The following EML4 variants were observed in gnomAD, a reference collection of about 807,000 sequenced individuals.
EML4 encodes EMAP like 4.
In EML4, 72 loss-of-function variants were observed where a neutral mutation model predicts 129.0. The ratio of observed to expected loss-of-function variants is 0.56; its 90% CI spans 0.46 to 0.68. The LOEUF (loss-of-function observed/expected upper bound fraction) is 0.68. Ranked by LOEUF, EML4 falls within the 30% of genes least tolerant of loss-of-function variation. The probability of loss-of-function intolerance (pLI) is 0.00; values close to 1 mark genes in which losing one functional copy is unlikely to be tolerated. For synonymous variants in EML4, 532 were observed against 405.0 expected (o/e 1.31, Z -3.77); for missense variants, 1,363 against 1,190.6 (o/e 1.14, Z -2.13).
chr2:42,209,420 G>T (rs1427804351), intron 1 of EML4, among the ~76,000 whole-genome samples: 1 of 152,104 alleles, frequency 6.6e-6, no homozygotes, highest in Non-Finnish European at 1.5e-5. Flanking sequence ...CCTCACAGCA[G>T]TCTTGTAGGC....
intron 3 of EML4, among the ~76,000 whole-genome samples, chr2:42,257,836 C>CAAAA (rs35916468): frequency 9.0e-6 from 1 of 110,710 alleles, no homozygotes. Flanking sequence ...GACTCCGTCT[C>CAAAA]AAAAAAAAAA....
chr2:42,177,110 C>T (rs941329351), intron 1 of EML4, among the ~76,000 whole-genome samples: 5 of 152,080 alleles, frequency 3.3e-5, no homozygotes, highest in African/African-American at 1.2e-4. Context: ...CTCTTGAAGG[C>T]TGTATTGAAG....
At chr2:42,231,268 G>C (rs956752378) in intron 1 of EML4, among the ~76,000 whole-genome samples, 1 of 152,134 alleles carries the variant, frequency 6.6e-6, no homozygotes, top group Non-Finnish European at 1.5e-5. Flanking sequence ...CTAGCTTTCT[G>C]ACAGTTTTTA....
intron 19 of EML4, 119 bp from the exon 20 acceptor site, chr2:42,325,348 C>T (rs1669729865): frequency 1.7e-6 from 1 of 603,866 alleles, no homozygotes; most frequent in Admixed American, 2.1e-5. Flanking sequence ...TGTGACACTG[C>T]TTCCTCTCCT....
At chr2:42,244,081 G>A (rs13027968) in intron 1 of EML4, among the ~76,000 whole-genome samples, 1 of 139,782 alleles carries the variant, frequency 7.2e-6, no homozygotes, top group African/African-American at 2.8e-5. Context: ...TTTGTTTTTT[G>A]TTTTTTGTTT....
intron 6 of EML4, among the ~76,000 whole-genome samples, chr2:42,274,765 G>A (rs1240120248): frequency 6.6e-6 from 1 of 152,106 alleles, no homozygotes; most frequent in African/African-American, 2.4e-5. Context: ...GGGACACCTC[G>A]GAGTATCAGA....
At chr2:42,269,711 A>G (rs1572662141) in intron 6 of EML4, among the ~76,000 whole-genome samples, 1 of 152,242 alleles carries the variant, frequency 6.6e-6, no homozygotes, top group South Asian at 2.1e-4. Context: ...ATAAAAGTAT[A>G]TAAGTATATA....
chr2:42,223,226 G>C (rs908010087), intron 1 of EML4, among the ~76,000 whole-genome samples: 42 of 152,050 alleles, frequency 2.8e-4, no homozygotes, highest in Non-Finnish European at 2.9e-4. Context: ...TACATACATT[G>C]TTGTGTCAAA....
At chr2:42,202,889 G>T (rs977569709) in intron 1 of EML4, among the ~76,000 whole-genome samples, 5 of 152,110 alleles carry the variant, frequency 3.3e-5, no homozygotes, top group Non-Finnish European at 5.9e-5. Context: ...TTAGCCTGGT[G>T]GGGTGGTGTA....
chr2:42,172,753 G>A (rs1670353209), intron 1 of EML4, among the ~76,000 whole-genome samples: 1 of 151,728 alleles, frequency 6.6e-6, no homozygotes, highest in Non-Finnish European at 1.5e-5. Flanking sequence ...TGTATATACT[G>A]TATGTATATT....
intron 1 of EML4, among the ~76,000 whole-genome samples, chr2:42,210,824 A>G (rs1195245811): frequency 6.6e-6 from 1 of 152,144 alleles, no homozygotes; most frequent in Non-Finnish European, 1.5e-5. Flanking sequence ...GAACTTCCTT[A>G]CTTTCTGGCA....
chr2:42,304,642 C>A, intron 17 of EML4, 91 bp downstream of exon 17: 2 of 967,962 alleles, frequency 2.1e-6, no homozygotes, highest in Non-Finnish European at 1.7e-6. Flanking sequence ...GAGAATTAAT[C>A]TCTTAAGTGG....
intron 1 of EML4, among the ~76,000 whole-genome samples, chr2:42,211,883 C>T (rs978315312): frequency 2.6e-5 from 4 of 152,026 alleles, no homozygotes; most frequent in Non-Finnish European, 4.4e-5. Flanking sequence ...TTCACTCTGT[C>T]GCCCAGGTTG....
At chr2:42,185,855 G>A (rs1387007299) in intron 1 of EML4, among the ~76,000 whole-genome samples, 1 of 152,140 alleles carries the variant, frequency 6.6e-6, no homozygotes, top group African/African-American at 2.4e-5. Flanking sequence ...ATCTAGGAGA[G>A]ACATGAAGGG....
At chr2:42,265,098 C>CA (rs1553380079) in intron 6 of EML4, 2 of 694,356 alleles carry the variant, frequency 2.9e-6, no homozygotes, top group African/African-American at 1.9e-5. Context: ...CTACATTTTA[C>CA]TTTTTTTTTT....
intron 2 of EML4, among the ~76,000 whole-genome samples, chr2:42,252,183 A>G (rs1052940934): frequency 5.9e-5 from 9 of 152,232 alleles, no homozygotes; most frequent in Non-Finnish European, 1.3e-4. Flanking sequence ...GTGTTAGTCT[A>G]CATACAGTAC....
intron 6 of EML4, among the ~76,000 whole-genome samples, chr2:42,276,208 TG>T (rs1666647956): frequency 6.6e-6 from 1 of 152,196 alleles, no homozygotes; most frequent in Admixed American, 6.5e-5. Context: ...TGTTTTCATA[TG>T]ATGTTTCCCC....
intron 17 of EML4, among the ~76,000 whole-genome samples, chr2:42,306,912 G>T (rs770587259): frequency 4.6e-5 from 7 of 152,128 alleles, no homozygotes; most frequent in Non-Finnish European, 5.9e-5. Context: ...CTGTGATTGA[G>T]CTCAGGTTCT....
intron 1 of EML4, among the ~76,000 whole-genome samples, chr2:42,190,888 C>T (rs1257940915): frequency 1.3e-5 from 2 of 152,210 alleles, no homozygotes; most frequent in African/African-American, 2.4e-5. Context: ...AATTCTTTTA[C>T]TCATTTTTTT....
Sources: allele counts gnomAD v4.1 joint callset (sites outside exome capture counted in the v4.1 genomes callset), GRCh38; gene constraint gnomAD v4.1.1; transcripts MANE v1.5; gene names NCBI Gene and HGNC (gene_info 2026-07-23, HGNC 2026-07-21).